Variants in MMS22L observed in about 807,000 individuals in gnomAD.
MMS22L encodes the protein protein MMS22-like.
MMS22L carries 74 observed loss-of-function variants against 159.1 expected under a neutral mutation model. The ratio of observed to expected loss-of-function variants is 0.47; its 90% CI spans 0.39 to 0.56. The LOEUF (loss-of-function observed/expected upper bound fraction) is 0.56. Ranked by LOEUF, MMS22L falls within the 20% of genes least tolerant of loss-of-function variation. The pLI, the probability that MMS22L is intolerant of heterozygous loss-of-function variation, is 0.00. For missense variants in MMS22L, 1,351 were observed against 1,422.1 expected (o/e 0.95, Z 0.80); for synonymous variants, 517 against 506.9 (o/e 1.02, Z -0.27).
chr6:97,267,852 A>G lies in MMS22L; in HGVS notation c.828+20T>C. On this transcript the variant is annotated intron_variant, in intron 8 of 24. Coordinates refer to ENST00000683635, the MANE Select transcript of MMS22L (RefSeq NM_001350599.2). ...AATACTGTCTTTAAGTCTCAAAAAT[A>G]CAAACTCTTAAAGCATTACCTTGTC... 6.4e-7 allele frequency: 1 copy of G among 1,570,130 alleles called. No individual in the cohort carries two copies. Among genetic ancestry groups the G allele is most frequent in the Non-Finnish European group, 8.6e-7 (1 of 1,163,366 alleles).
chr6:97,191,642 C>T (rs1469727568), intron 14 of MMS22L, among the ~76,000 whole-genome samples: 1 of 152,044 alleles, frequency 6.6e-6, no homozygotes, highest in Non-Finnish European at 1.5e-5. Context: ...TTGTTCCAAA[C>T]CACTATGAGT....
At chr6:97,182,871 T>C (rs1250720102) in intron 15 of MMS22L, among the ~76,000 whole-genome samples, 1 of 152,166 alleles carries the variant, frequency 6.6e-6, no homozygotes, top group Non-Finnish European at 1.5e-5. Flanking sequence ...TGCATTTACC[T>C]ACTACTTCCT....
In MMS22L at chr6:97,171,008, AAAC is replaced by A. The variant is rs200292551; in HGVS notation, c.2839+2052_2839+2054del. ...GTGACAGAGGGAGACTCTGTCTCAA[AAAC>A]AACAACAACAAAGAAAAACAAAAAG... On this transcript the variant is annotated intron_variant, in intron 19 of 24. Transcript: ENST00000683635. 8.5e-3 allele frequency among the ~76,000 whole-genome samples: 1,292 copies of A among 152,276 alleles called. 20 individuals are homozygous for A. Among genetic ancestry groups the A allele is most frequent in the African/African-American group, 0.029 (1,209 of 41,514 alleles).
intron 21 of MMS22L, among the ~76,000 whole-genome samples, chr6:97,164,654 T>C (rs1802782579): frequency 6.6e-6 from 1 of 152,090 alleles, no homozygotes. Flanking sequence ...TCTCGCTCTG[T>C]CACCCAGGCT....
chr6:97,194,300 C>T (rs1806233922), intron 14 of MMS22L, among the ~76,000 whole-genome samples: 1 of 152,040 alleles, frequency 6.6e-6, no homozygotes, highest in Admixed American at 6.6e-5. Flanking sequence ...TTGAGATCCG[C>T]TCACCTTGGC....
chr6:97,219,073 C>A (rs1809340486), intron 14 of MMS22L, among the ~76,000 whole-genome samples: 1 of 152,112 alleles, frequency 6.6e-6, no homozygotes, highest in South Asian at 2.1e-4. Flanking sequence ...CCCCATGATC[C>A]AATCACCTCT....
chr6:97,282,367 TCC>T lies in MMS22L; in HGVS notation c.109_110del (p.Gly37ArgfsTer17). Reference sequence around the variant, plus strand: ...ATTCTCCAGAAAAATGTTTTCCTCCTCCTCTGTTGTCAACAGCACAAGAAAAG... The same window carrying T: ...ATTCTCCAGAAAAATGTTTTCCTCCTTCTGTTGTCAACAGCACAAGAAAAG... Reference protein sequence around the residue: ...PYFSCAVDNRGGGKHFSGESY... With the variant: ...PYFSCAVDNRXGGKHFSGESY... On this transcript the variant is annotated frameshift_variant, in exon 2 of 25. Coordinates refer to ENST00000683635, the MANE Select transcript of MMS22L (RefSeq NM_001350599.2). LOFTEE classifies it high-confidence loss of function. The T allele has an allele frequency of 6.2e-7, 1 of 1,614,136 alleles. No individual in the cohort carries two copies. The highest frequency in any genetic ancestry group is 1.7e-5 in the Admixed American group (1 of 60,022).
rs1291520655 is a variant in MMS22L, at chr6:97,220,729, C to T, written c.2039+8165G>A. 2.6e-5 allele frequency among the ~76,000 whole-genome samples: 4 copies of T among 151,940 alleles called. No individual in the cohort carries two copies. In the South Asian group the frequency reaches 6.2e-4, roughly 24 times the overall value. ...GGTATACATATATGTCACATTTGTA[C>T]CTTTAAAAATTACTTTTTCTACAGC... is the stretch of plus-strand genomic sequence containing the variant. On this transcript the variant is annotated intron_variant, in intron 14 of 24. Transcript: ENST00000683635.
Position 97,144,884 on chromosome 6 carries a change from T to G in MMS22L, c.*1922A>C, listed in dbSNP as rs1305621482. 6.6e-6 allele frequency: 1 copy of G among 152,004 alleles called. No homozygotes were observed. The highest frequency in any genetic ancestry group is 2.4e-5 in the African/African-American group (1 of 41,404). 9.4% of individuals were successfully genotyped at this position (152,004 alleles called of 1,614,324 possible). A position where few individuals can be genotyped will look rare whatever the true frequency, so the allele number is the denominator to read the frequency against. On this transcript the variant is annotated 3_prime_UTR_variant, in exon 25 of 25. Coordinates refer to ENST00000683635, the MANE Select transcript of MMS22L (RefSeq NM_001350599.2). ...TTGTTACCATTCTTAAGTACAAATT[T>G]TAGTTATTCTTAGTATCTATAGATA...
In MMS22L at chr6:97,156,930, T is replaced by C. The variant is rs181710692; in HGVS notation, c.3386-5063A>G. The stretch of plus-strand genomic sequence containing the variant: ...GGGAGTATGGCCATTTTCACGATAT[T>C]GATTCCTCCTATCCATGAGTATGGA... On this transcript the variant is annotated intron_variant, in intron 22 of 24. Transcript: ENST00000683635. Among the ~76,000 whole-genome samples, 274 of 152,322 alleles carry C rather than the reference T, an allele frequency of 1.8e-3. 3 individuals carry two copies. Among genetic ancestry groups the C allele is most frequent in the African/African-American group, 6.2e-3 (259 of 41,562 alleles).
chr6:97,176,113 G>A (rs976907756), intron 18 of MMS22L, among the ~76,000 whole-genome samples: 1 of 152,150 alleles, frequency 6.6e-6, no homozygotes, highest in Non-Finnish European at 1.5e-5. Context: ...CTTCATTGAA[G>A]ATATTCTTAA....
chr6:97,160,475 T>TA (rs1258117191), intron 22 of MMS22L, among the ~76,000 whole-genome samples: 1 of 152,046 alleles, frequency 6.6e-6, no homozygotes. Flanking sequence ...AGTCAGCTGT[T>TA]AATCTTACTG....
chr6:97,169,912 G>T (rs1377127956), intron 19 of MMS22L, among the ~76,000 whole-genome samples: 1 of 151,994 alleles, frequency 6.6e-6, no homozygotes, highest in Non-Finnish European at 1.5e-5. Context: ...GTGATATAGG[G>T]TACCACGTGG....
chr6:97,225,831 A>G (rs1233105857), intron 14 of MMS22L, among the ~76,000 whole-genome samples: 3 of 152,082 alleles, frequency 2.0e-5, no homozygotes, highest in Admixed American at 2.0e-4. Context: ...TCGGCCTCCC[A>G]AAGTGCTGGG....
intron 16 of MMS22L, 62 bp from the exon 17 acceptor site, chr6:97,179,621 G>A: frequency 1.4e-6 from 2 of 1,424,376 alleles, no homozygotes; most frequent in Admixed American, 2.4e-5. Context: ...TAGAGATTAA[G>A]AAGTAAAGAA....
chr6:97,233,850 T>C lies in MMS22L; in HGVS notation c.1302+11A>G. 1 of 1,591,072 alleles carries C rather than the reference T, an allele frequency of 6.3e-7. No homozygotes were observed. Among genetic ancestry groups the C allele is most frequent in the Non-Finnish European group, 8.5e-7 (1 of 1,171,516 alleles). On this transcript the variant is annotated intron_variant, in intron 12 of 24. Transcript: ENST00000683635. ...AAATTCCTGGAGCAAATTCCTATTC[T>C]ATTCACTCACCAGGTTCTTACTATA...
chr6:97,166,531 C>T (rs187932616), intron 20 of MMS22L, among the ~76,000 whole-genome samples: 12 of 152,166 alleles, frequency 7.9e-5, no homozygotes, highest in Admixed American at 7.2e-4. Flanking sequence ...TCCCCCAACC[C>T]ACCCGCCACC....
intron 14 of MMS22L, among the ~76,000 whole-genome samples, chr6:97,207,377 A>G (rs1807897181): frequency 6.6e-6 from 1 of 152,202 alleles, no homozygotes; most frequent in Non-Finnish European, 1.5e-5. Context: ...GCTGTGTGTT[A>G]TACTTCAATG....
intron 10 of MMS22L, among the ~76,000 whole-genome samples, chr6:97,249,076 G>A (rs1036500362): frequency 2.6e-5 from 4 of 152,136 alleles, no homozygotes; most frequent in African/African-American, 9.7e-5. Context: ...CAGGCTGGGG[G>A]CTTTGAGTCA....
Sources: gnomAD v4.1 joint callset for allele counts (sites outside exome capture counted in the v4.1 genomes callset) on GRCh38, gnomAD v4.1.1 for gene constraint, MANE v1.5 for transcripts, NCBI Gene and HGNC (gene_info 2026-07-23, HGNC 2026-07-21) for gene names.